Variants in RBMS3 observed in about 807,000 individuals in gnomAD.
RBMS3 encodes RNA-binding motif, single-stranded-interacting protein 3.
In RBMS3, 27 loss-of-function variants were observed where a neutral mutation model predicts 66.8. The observed-to-expected ratio is 0.40, with a 90% CI of 0.30 to 0.56. The LOEUF (loss-of-function observed/expected upper bound fraction) is 0.56. Among genes scored for constraint, RBMS3 ranks in the 20% least tolerant of loss-of-function variants. RBMS3 has a pLI of 0.40. For missense variants in RBMS3, 513 were observed against 549.5 expected, an observed-to-expected ratio of 0.93 and a Z score of 0.66; for synonymous variants, 188 against 183.0, an observed-to-expected ratio of 1.03 and a Z score of -0.22.
rs558097170 is a variant in RBMS3 at position 29,387,624 on chromosome 3, C to T, written c.76-47119C>T. On this transcript the variant is annotated intron_variant, in intron 1 of 14. Coordinates refer to ENST00000383767, the MANE Select transcript of RBMS3 (RefSeq NM_001003793.3). ...AAACGTTTTAAAATGTATAGATGGC[C>T]GGGCGCGGTGGCTCACACCTGTAAT... Among the ~76,000 whole-genome samples the T allele has an allele frequency of 4.1e-4, 62 of 152,188 alleles. 1 individual carries two copies. In the South Asian group the frequency reaches 6.4e-3, roughly 16 times the overall value.
intron 1 of RBMS3, among the ~76,000 whole-genome samples, chr3:29,308,570 G>A (rs976207036): frequency 6.6e-6 from 1 of 151,766 alleles, no homozygotes; most frequent in African/African-American, 2.4e-5. Context: ...AAAAAATTTA[G>A]AGATTATGTA....
intron 4 of RBMS3, among the ~76,000 whole-genome samples, chr3:29,694,958 T>C (rs1022250431): frequency 6.6e-6 from 1 of 152,192 alleles, no homozygotes; most frequent in Non-Finnish European, 1.5e-5. Context: ...TATTCATAAC[T>C]TAGCTAAGCA....
intron 4 of RBMS3, among the ~76,000 whole-genome samples, chr3:29,708,194 G>C (rs1430817536): frequency 1.3e-5 from 2 of 152,152 alleles, no homozygotes; most frequent in African/African-American, 4.8e-5. Context: ...AATTTCCAAA[G>C]CAACCTTGCT....
chr3:29,516,024 A>G (rs756699498), intron 3 of RBMS3, among the ~76,000 whole-genome samples: 7 of 152,190 alleles, frequency 4.6e-5, no homozygotes, highest in Non-Finnish European at 8.8e-5. Context: ...TGAAGAGGAC[A>G]TGGACCAGGG....
chr3:29,999,020 A>G (rs1031102715), intron 14 of RBMS3, among the ~76,000 whole-genome samples: 8 of 152,186 alleles, frequency 5.3e-5, no homozygotes, highest in African/African-American at 1.9e-4. Flanking sequence ...CAACCTACTC[A>G]TCTGACAAAG....
chr3:29,501,526 A>G (rs1338868477), intron 3 of RBMS3, among the ~76,000 whole-genome samples: 5 of 152,174 alleles, frequency 3.3e-5, no homozygotes, highest in African/African-American at 1.2e-4. Flanking sequence ...CCCGAGGTTA[A>G]TTTATCCGTT....
rs138109257 is a variant in RBMS3, at chr3:29,754,981, G to A, written c.558-7929G>A. 2.6e-3 allele frequency among the ~76,000 whole-genome samples: 390 copies of A among 152,194 alleles called. 3 individuals carry two copies. The highest frequency in any genetic ancestry group is 8.9e-3 in the African/African-American group (371 of 41,536). ...TTATGTCTCTCTGGGCCTGATAAAT[G>A]TTGCATATCTCACATAGTTGACCTG... On this transcript the variant is annotated intron_variant, in intron 5 of 14. Coordinates refer to ENST00000383767, the MANE Select transcript of RBMS3 (RefSeq NM_001003793.3).
Position 29,466,340 on chromosome 3 carries a change from G to A in RBMS3, c.249-22101G>A, listed in dbSNP as rs73828668. Among the ~76,000 whole-genome samples, 52 of 152,066 alleles carry A rather than the reference G, an allele frequency of 3.4e-4. No homozygotes were observed. The South Asian group carries it at 8.7e-3, about 25-fold the overall frequency. On this transcript the variant is annotated intron_variant, in intron 2 of 14. Transcript: ENST00000383767. ...GTTCAGCCTCCTGTGTTTCACACTC[G>A]TCTTTCAAGTGCCCTCACAGTGAAC...
At position 29,784,049 on chromosome 3, in the gene RBMS3, C is replaced by T. The variant is rs186848437; in HGVS notation, c.637+21060C>T. 2.2e-4 allele frequency among the ~76,000 whole-genome samples: 33 copies of T among 152,000 alleles called. 2 individuals carry two copies. Among genetic ancestry groups the T allele is most frequent in the Admixed American group, 2.0e-4 (3 of 15,252 alleles). ...CACTAAAGCTCCCAAATTTATAAAACGATTACTACTAGATCTAAGACATGA... is the reference window on the plus strand; with the variant it reads ...CACTAAAGCTCCCAAATTTATAAAATGATTACTACTAGATCTAAGACATGA... On this transcript the variant is annotated intron_variant, in intron 6 of 14. Transcript: ENST00000383767.
intron 4 of RBMS3, among the ~76,000 whole-genome samples, chr3:29,695,567 C>G (rs1005202042): frequency 6.6e-6 from 1 of 152,012 alleles, no homozygotes; most frequent in Admixed American, 6.6e-5. Context: ...CATTTTTTCC[C>G]CTTTTTTTCT....
At chr3:29,287,533 A>G (rs2032458063) in intron 1 of RBMS3, among the ~76,000 whole-genome samples, 1 of 152,080 alleles carries the variant, frequency 6.6e-6, no homozygotes, top group South Asian at 2.1e-4. Flanking sequence ...GATGCTCTTC[A>G]GTGTTGTATA....
intron 2 of RBMS3, among the ~76,000 whole-genome samples, chr3:29,477,453 TAACA>T (rs35287781): frequency 0.16 from 24,374 of 150,932 alleles, 2,066 homozygotes; most frequent in East Asian, 0.3. Flanking sequence ...GTCAGGGATA[TAACA>T]AACAAACAAA....
chr3:29,844,894 C>G (rs2058742134), intron 6 of RBMS3, among the ~76,000 whole-genome samples: 1 of 152,154 alleles, frequency 6.6e-6, no homozygotes, highest in Non-Finnish European at 1.5e-5. Context: ...AAGTGTCATT[C>G]TTTGTTCATA....
intron 8 of RBMS3, among the ~76,000 whole-genome samples, chr3:29,888,060 A>G (rs1237910781): frequency 6.6e-6 from 1 of 151,674 alleles, no homozygotes; most frequent in Admixed American, 6.6e-5. Flanking sequence ...CCTGGACCCT[A>G]TTGGAGTTGC....
intron 1 of RBMS3, among the ~76,000 whole-genome samples, chr3:29,364,151 A>G (rs746879655): frequency 1.3e-5 from 2 of 152,162 alleles, no homozygotes; most frequent in Non-Finnish European, 2.9e-5. Flanking sequence ...TATAGAACAG[A>G]TGCGTATATG....
At chr3:29,701,074 C>T (rs1022947338) in intron 4 of RBMS3, among the ~76,000 whole-genome samples, 4 of 151,982 alleles carry the variant, frequency 2.6e-5, no homozygotes, top group South Asian at 2.1e-4. Context: ...CCCAGGAGTT[C>T]GAGACCAGCC....
At chr3:29,917,058 T>C (rs937692800) in intron 10 of RBMS3, among the ~76,000 whole-genome samples, 3 of 152,070 alleles carry the variant, frequency 2.0e-5, no homozygotes, top group Admixed American at 1.3e-4. Context: ...CATTCATTCC[T>C]CTATTCATTC....
chr3:29,872,530 C>T (rs2059517057), intron 7 of RBMS3, among the ~76,000 whole-genome samples: 1 of 152,178 alleles, frequency 6.6e-6, no homozygotes, highest in African/African-American at 2.4e-5. Context: ...CTTCAGGCCA[C>T]ACTTTGAGAA....
At chr3:29,653,502 G>A (rs2050213113) in intron 4 of RBMS3, among the ~76,000 whole-genome samples, 1 of 152,092 alleles carries the variant, frequency 6.6e-6, no homozygotes, top group Admixed American at 6.6e-5. Context: ...TAGACACGCA[G>A]TGATATCAGA....
Sources: allele counts gnomAD v4.1 joint callset (sites outside exome capture counted in the v4.1 genomes callset), GRCh38; gene constraint gnomAD v4.1.1; transcripts MANE v1.5; gene names NCBI Gene and HGNC (gene_info 2026-07-23, HGNC 2026-07-21).